CSTPP1: variants seen among roughly 807,000 people sequenced by gnomAD.
The protein encoded by CSTPP1 is UPF0705 protein C11orf49.
the CSTPP1 span, among the ~76,000 whole-genome samples, chr11:47,136,054 G>A: frequency 6.6e-6 from 1 of 151,886 alleles, no homozygotes; most frequent in South Asian, 2.1e-4. Flanking sequence ...TAGGTAATTT[G>A]GGGGATAAAT....
At chr11:46,975,287 TAA>T in the CSTPP1 span, among the ~76,000 whole-genome samples, 2 of 152,148 alleles carry the variant, frequency 1.3e-5, no homozygotes, top group Non-Finnish European at 2.9e-5. Context: ...AAAAAAATTT[TAA>T]AAGTTAGAAA....
chr11:46,968,751 T>G, the CSTPP1 span, among the ~76,000 whole-genome samples: 1 of 151,708 alleles, frequency 6.6e-6, no homozygotes, highest in South Asian at 2.1e-4. Flanking sequence ...ATACAAAAAT[T>G]AGCCGGGTGT....
At chr11:47,133,189 A>C in the CSTPP1 span, among the ~76,000 whole-genome samples, 1 of 152,182 alleles carries the variant, frequency 6.6e-6, no homozygotes, top group Non-Finnish European at 1.5e-5. Context: ...TCTGGAGAAG[A>C]TAGGATCAAG....
chr11:46,986,747 C>A, the CSTPP1 span, among the ~76,000 whole-genome samples: 7 of 152,280 alleles, frequency 4.6e-5, no homozygotes, highest in African/African-American at 1.4e-4. Context: ...GGATTACAGG[C>A]CTGAGCCACT....
At chr11:46,987,278 C>T in the CSTPP1 span, 1 of 1,614,100 alleles carries the variant, frequency 6.2e-7, no homozygotes, top group Non-Finnish European at 8.5e-7. Context: ...AAGATATTAG[C>T]CAATATGGAA....
At chr11:47,015,345 G>A in the CSTPP1 span, among the ~76,000 whole-genome samples, 4 of 151,580 alleles carry the variant, frequency 2.6e-5, no homozygotes, top group East Asian at 1.9e-4. Context: ...ATGGTGGTGC[G>A]CGCCTGTAAT....
chr11:47,122,251 A>G, the CSTPP1 span, among the ~76,000 whole-genome samples: 5 of 151,528 alleles, frequency 3.3e-5, no homozygotes, highest in East Asian at 9.7e-4. Context: ...AGTGAGCCTG[A>G]ACATCTCTAT....
chr11:47,149,269 T>A, the CSTPP1 span, among the ~76,000 whole-genome samples: 1 of 152,192 alleles, frequency 6.6e-6, no homozygotes, highest in Non-Finnish European at 1.5e-5. Flanking sequence ...TTGTGCAGAC[T>A]CTCACTGGCA....
At chr11:47,161,091 C>G in the CSTPP1 span, 1 of 1,613,854 alleles carries the variant, frequency 6.2e-7, no homozygotes, top group African/African-American at 1.3e-5. Context: ...CTGAAGGGCC[C>G]TCAGATTAAC....
the CSTPP1 span, among the ~76,000 whole-genome samples, chr11:47,128,378 G>T: frequency 6.6e-6 from 1 of 152,130 alleles, no homozygotes; most frequent in Admixed American, 6.6e-5. Flanking sequence ...TTCCTTACAA[G>T]ATTTTCATTT....
chr11:47,161,142 A>T, the CSTPP1 span: 2 of 1,614,172 alleles, frequency 1.2e-6, no homozygotes, highest in Non-Finnish European at 1.7e-6. Context: ...TTGCCTGACA[A>T]GGGGGATCTG....
the CSTPP1 span, chr11:47,162,224 T>C: frequency 4.1e-6 from 4 of 985,428 alleles, no homozygotes; most frequent in Non-Finnish European, 3.6e-6. Flanking sequence ...GTGAAACGAA[T>C]AAAAAGTCCC....
At chr11:47,098,721 C>G in the CSTPP1 span, among the ~76,000 whole-genome samples, 1 of 152,040 alleles carries the variant, frequency 6.6e-6, no homozygotes, top group Non-Finnish European at 1.5e-5. Flanking sequence ...AGGCTGGTCT[C>G]TAACTCCTGA....
the CSTPP1 span, among the ~76,000 whole-genome samples, chr11:47,135,976 A>ACTCT: frequency 5.5e-3 from 788 of 144,544 alleles, 7 homozygotes; most frequent in South Asian, 0.041. Flanking sequence ...TAATTAAGTA[A>ACTCT]CTCTCTCTCT....
the CSTPP1 span, among the ~76,000 whole-genome samples, chr11:47,145,615 C>CA: frequency 4.0e-5 from 6 of 151,502 alleles, no homozygotes; most frequent in Non-Finnish European, 5.9e-5. Context: ...CTGTCCCTCC[C>CA]AAAAAAAATT....
chr11:47,097,201 G>A, the CSTPP1 span, among the ~76,000 whole-genome samples: 1 of 116,370 alleles, frequency 8.6e-6, no homozygotes, highest in African/African-American at 2.9e-5. Context: ...GGTGAGGGGC[G>A]CCTCTGCCCA....
chr11:47,098,459 A>C, the CSTPP1 span, among the ~76,000 whole-genome samples: 6 of 151,536 alleles, frequency 4.0e-5, no homozygotes, highest in East Asian at 3.9e-4. Flanking sequence ...CTTAGGAAAG[A>C]CCTACCACTT....
chr11:46,978,168 C>T, the CSTPP1 span, among the ~76,000 whole-genome samples: 1 of 152,196 alleles, frequency 6.6e-6, no homozygotes. Flanking sequence ...ATAAATGAGT[C>T]ATGGTGCCTA....
At chr11:47,001,668 TA>T in the CSTPP1 span, among the ~76,000 whole-genome samples, 4 of 152,206 alleles carry the variant, frequency 2.6e-5, no homozygotes, top group Non-Finnish European at 4.4e-5. Flanking sequence ...CATTTCTTGT[TA>T]TTTTTTTTTT....
Sources: gnomAD v4.1 joint callset for allele counts (sites outside exome capture counted in the v4.1 genomes callset) on GRCh38, gnomAD v4.1.1 for gene constraint, MANE v1.5 for transcripts, NCBI Gene and HGNC (gene_info 2026-07-23, HGNC 2026-07-21) for gene names.